The following KCNT2 variants were observed in gnomAD, a reference collection of about 807,000 sequenced individuals.
KCNT2 encodes the protein potassium channel subfamily T member 2.
KCNT2 carries 67 observed loss-of-function variants against 153.8 expected under a neutral mutation model. The observed-to-expected ratio is 0.44, with a 90% CI of 0.36 to 0.53. The LOEUF is 0.53. KCNT2 is among the 20% of genes least tolerant of loss of function. KCNT2 has a pLI of 0.00. For synonymous variants in KCNT2, 500 were observed against 458.8 expected, an observed-to-expected ratio of 1.09 and a Z score of -1.15; for missense variants, 975 against 1,354.8, an observed-to-expected ratio of 0.72 and a Z score of 4.40.
intron 1 of KCNT2, among the ~76,000 whole-genome samples, chr1:196,531,476 G>T (rs538160098): frequency 5.9e-5 from 9 of 151,958 alleles, no homozygotes; most frequent in Admixed American, 2.0e-4. Flanking sequence ...TGGAGGTAAC[G>T]GCTCCTACTT....
intron 1 of KCNT2, among the ~76,000 whole-genome samples, chr1:196,536,942 T>C (rs1655664332): frequency 6.6e-6 from 1 of 152,224 alleles, no homozygotes; most frequent in South Asian, 2.1e-4. Context: ...TAACTCCTTC[T>C]ATATCAATGA....
chr1:196,229,964 C>T (rs1653806149), intron 27 of KCNT2, among the ~76,000 whole-genome samples: 1 of 151,966 alleles, frequency 6.6e-6, no homozygotes, highest in South Asian at 2.1e-4. Flanking sequence ...ATAACATAAA[C>T]GTGCAAGATG....
At chr1:196,302,084 C>A (rs1018599841) in intron 22 of KCNT2, among the ~76,000 whole-genome samples, 1 of 152,118 alleles carries the variant, frequency 6.6e-6, no homozygotes, top group Non-Finnish European at 1.5e-5. Flanking sequence ...AAGGTCTCAC[C>A]TGTGAAGGTG....
intron 1 of KCNT2, among the ~76,000 whole-genome samples, chr1:196,532,300 T>C (rs1239206946): frequency 6.6e-6 from 1 of 151,964 alleles, no homozygotes; most frequent in Non-Finnish European, 1.5e-5. Context: ...AGGGAAAAAG[T>C]AGGTGATATT....
intron 12 of KCNT2, among the ~76,000 whole-genome samples, chr1:196,421,683 T>C (rs1673215538): frequency 6.6e-6 from 1 of 152,070 alleles, no homozygotes; most frequent in African/African-American, 2.4e-5. Context: ...CATTTTTTGG[T>C]CTACACTCTT....
intron 14 of KCNT2, among the ~76,000 whole-genome samples, chr1:196,348,728 T>G (rs573009799): frequency 2.0e-4 from 31 of 152,176 alleles, no homozygotes; most frequent in South Asian, 8.3e-4. Flanking sequence ...ATATGTTTAA[T>G]ATTTGAAAGA....
chr1:196,607,311 A>C (rs1665426658), intron 1 of KCNT2, among the ~76,000 whole-genome samples: 1 of 152,246 alleles, frequency 6.6e-6, no homozygotes, highest in Non-Finnish European at 1.5e-5. Flanking sequence ...ATTTTAAAAC[A>C]AAGAAATGTG....
At chr1:196,527,968 G>A (rs1654461661) in intron 1 of KCNT2, among the ~76,000 whole-genome samples, 1 of 152,098 alleles carries the variant, frequency 6.6e-6, no homozygotes, top group African/African-American at 2.4e-5. Flanking sequence ...TCTCTAATAA[G>A]CATTTTTGAT....
chr1:196,539,314 C>A (rs558967379), intron 1 of KCNT2, among the ~76,000 whole-genome samples: 13 of 152,234 alleles, frequency 8.5e-5, no homozygotes, highest in African/African-American at 3.1e-4. Flanking sequence ...ATTGCATGGG[C>A]TGCTGGGAAT....
intron 25 of KCNT2, among the ~76,000 whole-genome samples, chr1:196,273,254 T>C (rs1321934972): frequency 6.6e-6 from 1 of 151,892 alleles, no homozygotes; most frequent in Non-Finnish European, 1.5e-5. Flanking sequence ...TCTTAGAATT[T>C]AATCTTTACA....
At chr1:196,557,389 T>C (rs1307043745) in intron 1 of KCNT2, among the ~76,000 whole-genome samples, 1 of 151,356 alleles carries the variant, frequency 6.6e-6, no homozygotes, top group Non-Finnish European at 1.5e-5. Context: ...ATTTTTATCA[T>C]AATTTTGAAT....
chr1:196,472,328 C>G (rs954549727), intron 5 of KCNT2, among the ~76,000 whole-genome samples: 1 of 152,110 alleles, frequency 6.6e-6, no homozygotes, highest in Non-Finnish European at 1.5e-5. Context: ...TTGTTTAAAA[C>G]CTTTATACTT....
At chr1:196,392,170 T>C (rs1233370023) in intron 13 of KCNT2, among the ~76,000 whole-genome samples, 2 of 151,390 alleles carry the variant, frequency 1.3e-5, no homozygotes, top group Admixed American at 6.6e-5. Context: ...AGTTTTTGAA[T>C]GTAGATGGAG....
At chr1:196,244,586 G>T (rs1044364988) in intron 26 of KCNT2, among the ~76,000 whole-genome samples, 2 of 152,140 alleles carry the variant, frequency 1.3e-5, no homozygotes, top group African/African-American at 2.4e-5. Flanking sequence ...GCCTGGAGTG[G>T]TGGTGGCCAC....
At chr1:196,534,540 C>T (rs1252540113) in intron 1 of KCNT2, among the ~76,000 whole-genome samples, 1 of 151,964 alleles carries the variant, frequency 6.6e-6, no homozygotes, top group Non-Finnish European at 1.5e-5. Flanking sequence ...AACAGGAAGT[C>T]CAAGAAAGCT....
intron 3 of KCNT2, among the ~76,000 whole-genome samples, chr1:196,483,743 C>T (rs769699126): frequency 6.6e-6 from 1 of 152,106 alleles, no homozygotes. Flanking sequence ...TCAGTGGAAA[C>T]TTTATATTTA....
rs115185904 is a variant in KCNT2, at chr1:196,284,559, C to G, written c.2697+1098G>C. 1.0e-3 allele frequency among the ~76,000 whole-genome samples: 155 copies of G among 151,850 alleles called. 1 individual carries two copies. The highest frequency in any genetic ancestry group is 3.7e-3 in the African/African-American group (155 of 41,472). On this transcript the variant is annotated intron_variant, in intron 23 of 27. Coordinates refer to ENST00000294725, the MANE Select transcript of KCNT2 (RefSeq NM_198503.5). The stretch of plus-strand genomic sequence containing the variant: ...TTGGCTCCTATTGATATAAAATCTT[C>G]AGTTTCAACACTGCTCTTCAAATAA...
intron 2 of KCNT2, 98 bp downstream of exon 2, chr1:196,492,164 T>C (rs1271998786): frequency 1.0e-5 from 12 of 1,171,178 alleles, no homozygotes; most frequent in African/African-American, 1.6e-5. Context: ...ACCAATTTTA[T>C]TCCTCTATCT....
Position 196,286,140 on chromosome 1 carries a change from G to A in KCNT2, c.2596-382C>T, listed in dbSNP as rs76014033. 3.7e-3 allele frequency among the ~76,000 whole-genome samples: 557 copies of A among 152,106 alleles called. 3 individuals carry two copies. Among genetic ancestry groups the A allele is most frequent in the African/African-American group, 0.012 (511 of 41,514 alleles). ...AAGACCTGCTTTTAAATATTCTCAT[G>A]GGTGAGAACAAAAAAATAGGGAGGT... is the stretch of plus-strand genomic sequence containing the variant. On this transcript the variant is annotated intron_variant, in intron 22 of 27. Transcript: ENST00000294725.
Sources: gnomAD v4.1 joint callset for allele counts (sites outside exome capture counted in the v4.1 genomes callset) on GRCh38, gnomAD v4.1.1 for gene constraint, MANE v1.5 for transcripts, NCBI Gene and HGNC (gene_info 2026-07-23, HGNC 2026-07-21) for gene names.